TENM1: variants seen among roughly 807,000 people sequenced by gnomAD.
TENM1 encodes the protein teneurin transmembrane protein 1, also known as teneurin-1.
A neutral mutation model predicts 174.8 loss-of-function variants in TENM1; 35 were observed. That is an observed-to-expected ratio of 0.20 (90% CI 0.15 to 0.27). The LOEUF (loss-of-function observed/expected upper bound fraction) is 0.27. TENM1 is among the 10% of genes least tolerant of loss of function. The pLI, the probability that TENM1 is intolerant of heterozygous loss-of-function variation, is 1.00. For synonymous variants in TENM1, 781 were observed against 798.7 expected (o/e 0.98, Z 0.37); for missense variants, 1,633 against 2,130.1 (o/e 0.77, Z 4.59).
At chrX:124,595,023 T>C (rs1254170109) in intron 11 of TENM1, among the ~76,000 whole-genome samples, 1 of 112,005 alleles carries the variant, frequency 8.9e-6, no homozygotes, top group Non-Finnish European at 1.9e-5. Flanking sequence ...TTGTACTCCT[T>C]TGTGGTTTGG....
chrX:125,113,915 T>A, the TENM1 span, among the ~76,000 whole-genome samples: 1 of 111,183 alleles, frequency 9.0e-6, no homozygotes, highest in South Asian at 3.8e-4. Context: ...GCAGACCTAA[T>A]AGACATCTAC....
At chrX:124,736,327 C>T (rs1340600855) in intron 4 of TENM1, among the ~76,000 whole-genome samples, 4 of 111,599 alleles carry the variant, frequency 3.6e-5, no homozygotes, top group African/African-American at 6.5e-5. Flanking sequence ...AAGAGTAGAA[C>T]TTTTATCATG....
At chrX:124,951,468 C>T (rs1002229637) in intron 1 of TENM1, among the ~76,000 whole-genome samples, 7 of 109,499 alleles carry the variant, frequency 6.4e-5, no homozygotes, top group African/African-American at 1.7e-4. Context: ...AAAGAAGACA[C>T]ATGTATTTTA....
intron 3 of TENM1, among the ~76,000 whole-genome samples, chrX:124,797,244 C>A (rs778485964): frequency 1.8e-5 from 2 of 111,671 alleles, no homozygotes; most frequent in Non-Finnish European, 3.8e-5. Context: ...TGTGACTGAA[C>A]TGGATGGGTC....
the TENM1 span, among the ~76,000 whole-genome samples, chrX:125,109,344 T>A: frequency 2.9e-4 from 32 of 111,954 alleles, no homozygotes; most frequent in Non-Finnish European, 5.3e-4. Context: ...CTTATAGAAC[T>A]GGGACTCAGT....
intron 3 of TENM1, among the ~76,000 whole-genome samples, chrX:124,835,604 C>A (rs1304318062): frequency 9.0e-6 from 1 of 111,573 alleles, no homozygotes; most frequent in Admixed American, 9.6e-5. Context: ...TAACCTCTTA[C>A]CCTAAGTGTT....
intron 14 of TENM1, among the ~76,000 whole-genome samples, chrX:124,553,793 A>G (rs1453475254): frequency 9.0e-6 from 1 of 111,524 alleles, no homozygotes; most frequent in Non-Finnish European, 1.9e-5. Flanking sequence ...CAATGACTAG[A>G]ACAGTACCTG....
chrX:124,663,618 G>C (rs1021864758), intron 6 of TENM1, among the ~76,000 whole-genome samples: 1 of 111,820 alleles, frequency 8.9e-6, no homozygotes. Context: ...AGCTTTGAAA[G>C]GACTAGTCCA....
chrX:125,081,044 G>A, the TENM1 span, among the ~76,000 whole-genome samples: 36 of 110,891 alleles, frequency 3.2e-4, no homozygotes. Flanking sequence ...TTTTGTCCTG[G>A]TCCTCTTATC....
the TENM1 span, among the ~76,000 whole-genome samples, chrX:125,087,200 A>G: frequency 1.8e-5 from 2 of 111,101 alleles, no homozygotes; most frequent in African/African-American, 6.5e-5. Flanking sequence ...TATCATTTTC[A>G]ATGTCAATTG....
At chrX:124,499,805 G>A (rs2047286134) in intron 19 of TENM1, among the ~76,000 whole-genome samples, 1 of 111,609 alleles carries the variant, frequency 9.0e-6, no homozygotes, top group Admixed American at 9.5e-5. Context: ...ACTATGATAT[G>A]TTCTTTAATA....
chrX:124,695,375 C>T (rs1397508004), intron 5 of TENM1, among the ~76,000 whole-genome samples: 1 of 111,177 alleles, frequency 9.0e-6, no homozygotes, highest in Non-Finnish European at 1.9e-5. Flanking sequence ...ACCTAAGATT[C>T]AATTCTGAAT....
intron 20 of TENM1, among the ~76,000 whole-genome samples, chrX:124,490,189 G>C (rs2047036744): frequency 8.9e-6 from 1 of 112,066 alleles, no homozygotes; most frequent in Admixed American, 9.5e-5. Context: ...ATATTTCTTA[G>C]AGTGAAAATT....
chrX:124,757,580 C>A (rs1208527698), intron 3 of TENM1, among the ~76,000 whole-genome samples: 1 of 112,535 alleles, frequency 8.9e-6, no homozygotes, highest in Non-Finnish European at 1.9e-5. Context: ...CAGCCGTCTT[C>A]TGCGTCGCTC....
At chrX:125,062,517 A>G in the TENM1 span, among the ~76,000 whole-genome samples, 4 of 112,117 alleles carry the variant, frequency 3.6e-5, no homozygotes, top group Non-Finnish European at 1.9e-5. Context: ...ATTAAAAATG[A>G]GTAAATAAGA....
chrX:124,941,854 G>A (rs990059540), intron 1 of TENM1, among the ~76,000 whole-genome samples: 4 of 111,839 alleles, frequency 3.6e-5, no homozygotes, highest in Non-Finnish European at 7.5e-5. Context: ...ACAGTTCCAC[G>A]TGGCTGGGGA....
intron 3 of TENM1, among the ~76,000 whole-genome samples, chrX:124,793,569 G>T (rs1489229261): frequency 9.0e-6 from 1 of 111,537 alleles, no homozygotes; most frequent in Non-Finnish European, 1.9e-5. Flanking sequence ...AAGACCATGG[G>T]TTCTGGAAAC....
At chrX:124,623,453 A>C (rs894722910) in intron 11 of TENM1, among the ~76,000 whole-genome samples, 1 of 111,923 alleles carries the variant, frequency 8.9e-6, no homozygotes, top group Non-Finnish European at 1.9e-5. Flanking sequence ...TTTCAAATAC[A>C]TGCTTGGAGA....
chrX:125,007,465 A>G, the TENM1 span, among the ~76,000 whole-genome samples: 1 of 111,747 alleles, frequency 8.9e-6, no homozygotes, highest in South Asian at 3.8e-4. Flanking sequence ...ACACTTCAGG[A>G]TATTGTCCAG....
Sources: allele counts gnomAD v4.1 joint callset (sites outside exome capture counted in the v4.1 genomes callset), GRCh38; gene constraint gnomAD v4.1.1; transcripts MANE v1.5; gene names NCBI Gene and HGNC (gene_info 2026-07-23, HGNC 2026-07-21).